The following IGF1R variants were observed in gnomAD, a reference collection of about 807,000 sequenced individuals.
IGF1R encodes the protein insulin-like growth factor 1 receptor.
Under a neutral mutation model 144.6 loss-of-function variants are expected in IGF1R, and 44 were observed. The ratio of observed to expected loss-of-function variants is 0.30; its 90% CI spans 0.24 to 0.39. IGF1R has a LOEUF of 0.39. IGF1R is among the 10% of genes least tolerant of loss of function. The probability of loss-of-function intolerance (pLI) is 1.00; values close to 1 mark genes in which losing one functional copy is unlikely to be tolerated. For synonymous variants in IGF1R, 795 were observed against 722.8 expected (o/e 1.10, Z -1.60); for missense variants, 1,355 against 1,833.7 (o/e 0.74, Z 4.77).
intron 2 of IGF1R, among the ~76,000 whole-genome samples, chr15:98,726,462 T>C (rs1016027269): frequency 6.6e-6 from 1 of 152,206 alleles, no homozygotes; most frequent in South Asian, 2.1e-4. Context: ...TGTCCACATC[T>C]GCCTAGTTCT....
At chr15:98,752,859 A>G (rs759139435) in intron 2 of IGF1R, among the ~76,000 whole-genome samples, 3 of 152,144 alleles carry the variant, frequency 2.0e-5, no homozygotes, top group Admixed American at 6.5e-5. Flanking sequence ...ATATTGCAGA[A>G]GGAAAACCTA....
intron 2 of IGF1R, among the ~76,000 whole-genome samples, chr15:98,769,797 A>G (rs2055538406): frequency 6.6e-6 from 1 of 152,212 alleles, no homozygotes; most frequent in Non-Finnish European, 1.5e-5. Context: ...TCTTATCAGT[A>G]GCACTGCTTT....
rs1013396489 is a variant in IGF1R, at chr15:98,929,581, C to T, written c.2806C>T (p.Leu936=). Residue 936 remains leucine, a synonymous_variant, in exon 14 of 21, where the codon CTG becomes TTG. Transcript: ENST00000650285. Reference sequence around the variant, plus strand: ...AGCAGGATATGAAAACTTCATCCATCTGATCATCGCTCTGCCCGTCGCTGT... The same window carrying T: ...AGCAGGATATGAAAACTTCATCCATTTGATCATCGCTCTGCCCGTCGCTGT... ...AKTGYENFIH[L]IIALPVAVLL... is the part of the protein sequence containing the mutation. 2 of 1,614,090 alleles carry T rather than the reference C, an allele frequency of 1.2e-6. No individual in the cohort carries two copies. Among genetic ancestry groups the T allele is most frequent in the Admixed American group, 1.7e-5 (1 of 60,030 alleles).
At chr15:98,738,699 A>G (rs2054668422) in intron 2 of IGF1R, among the ~76,000 whole-genome samples, 1 of 152,188 alleles carries the variant, frequency 6.6e-6, no homozygotes, top group Non-Finnish European at 1.5e-5. Context: ...AAAAGACCAA[A>G]ATAACTGGAA....
At chr15:98,874,833 C>G (rs2012972419) in intron 2 of IGF1R, among the ~76,000 whole-genome samples, 2 of 152,230 alleles carry the variant, frequency 1.3e-5, no homozygotes, top group African/African-American at 4.8e-5. Context: ...CTTTTCCCCT[C>G]CCTTCCCAGG....
intron 2 of IGF1R, among the ~76,000 whole-genome samples, chr15:98,762,812 C>A (rs1191663342): frequency 4.0e-5 from 6 of 150,878 alleles, no homozygotes. Flanking sequence ...CTTTAGGAGG[C>A]CGAGGCGGGC....
At chr15:98,868,447 C>T (rs983770016) in intron 2 of IGF1R, among the ~76,000 whole-genome samples, 21 of 147,924 alleles carry the variant, frequency 1.4e-4, no homozygotes, top group African/African-American at 5.2e-4. Flanking sequence ...TCCTGGCAAT[C>T]AGTATGTGAG....
intron 2 of IGF1R, among the ~76,000 whole-genome samples, chr15:98,729,459 C>T (rs2054445381): frequency 6.6e-6 from 1 of 151,664 alleles, no homozygotes; most frequent in Non-Finnish European, 1.5e-5. Flanking sequence ...GCTTTTATTT[C>T]TTCTATTCTT....
At chr15:98,777,620 G>A (rs1269330152) in intron 2 of IGF1R, among the ~76,000 whole-genome samples, 2 of 152,208 alleles carry the variant, frequency 1.3e-5, no homozygotes, top group Non-Finnish European at 2.9e-5. Flanking sequence ...GACCCCTGTG[G>A]GGGCTGTCCA....
chr15:98,677,550 C>T (rs1372543186), intron 1 of IGF1R, among the ~76,000 whole-genome samples: 1 of 152,164 alleles, frequency 6.6e-6, no homozygotes, highest in Non-Finnish European at 1.5e-5. Context: ...TTCTCAAGTT[C>T]AGGCAGTCTG....
intron 1 of IGF1R, among the ~76,000 whole-genome samples, chr15:98,669,883 T>A (rs997565279): frequency 6.6e-6 from 1 of 152,160 alleles, no homozygotes; most frequent in Non-Finnish European, 1.5e-5. Context: ...AGTGCACTGA[T>A]AAGAGCATGG....
At position 98,704,484 on chromosome 15, in the gene IGF1R, A is replaced by G. The variant is rs936031424; in HGVS notation, c.95-3078A>G. Among the ~76,000 whole-genome samples, 1 of 152,106 alleles carries G rather than the reference A, an allele frequency of 6.6e-6. No homozygotes were observed. The highest frequency in any genetic ancestry group is 6.5e-5 in the Admixed American group (1 of 15,268). Reference sequence around the variant, plus strand: ...TCAGATGGTGTTGGGACAGGGACGGACCGTGAGGAGGCTGGATCATGGGGA... The same window carrying G: ...TCAGATGGTGTTGGGACAGGGACGGGCCGTGAGGAGGCTGGATCATGGGGA... On this transcript the variant is annotated intron_variant, in intron 1 of 20. Coordinates refer to ENST00000650285, the MANE Select transcript of IGF1R (RefSeq NM_000875.5). The surrounding 1 kb of genome is among the most constrained non-coding windows in gnomAD (Gnocchi z 4.9).
At chr15:98,936,810 T>C (rs1013925500) in intron 17 of IGF1R, among the ~76,000 whole-genome samples, 3 of 152,148 alleles carry the variant, frequency 2.0e-5, no homozygotes, top group African/African-American at 7.2e-5. Context: ...TGCCAAGCAT[T>C]GGTCCCCAGC....
At chr15:98,890,235 G>T (rs1172398424) in intron 2 of IGF1R, 2 of 152,210 alleles carry the variant, frequency 1.3e-5, no homozygotes, top group African/African-American at 4.8e-5. Flanking sequence ...TTCCCAGACA[G>T]TTAAGACATT....
In IGF1R at chr15:98,888,438, AGT is replaced by A. The variant is rs1191582086; in HGVS notation, c.641-2860_641-2859del. Among the ~76,000 whole-genome samples, 588 of 143,448 alleles carry A rather than the reference AGT, an allele frequency of 4.1e-3. 7 individuals carry two copies. Among genetic ancestry groups the A allele is most frequent in the African/African-American group, 0.013 (500 of 38,772 alleles). 94.1% of individuals were successfully genotyped at this position (143,448 alleles called of 152,430 possible). On this transcript the variant is annotated intron_variant, in intron 2 of 20. Coordinates refer to ENST00000650285, the MANE Select transcript of IGF1R (RefSeq NM_000875.5). ...TGGGGGTTTGATGAGAGAGAGAGAGAGTGTGTGTGTGTGTGTGTGTGTGTGTG... is the reference window on the plus strand; with the variant it reads ...TGGGGGTTTGATGAGAGAGAGAGAGAGTGTGTGTGTGTGTGTGTGTGTGTG...
chr15:98,653,118 A>T (rs1359587982), intron 1 of IGF1R, among the ~76,000 whole-genome samples: 1 of 152,110 alleles, frequency 6.6e-6, no homozygotes, highest in African/African-American at 2.4e-5. Context: ...AGCAACAGGG[A>T]TTCAATCCCG....
intron 2 of IGF1R, among the ~76,000 whole-genome samples, chr15:98,752,341 G>A (rs4966024): frequency 0.59 from 90,149 of 151,958 alleles, 27,062 homozygotes; most frequent in Non-Finnish European, 0.64. Context: ...CTGGGGAGTC[G>A]TTTTCATCAA....
intron 2 of IGF1R, among the ~76,000 whole-genome samples, chr15:98,727,796 C>T (rs935212246): frequency 1.3e-5 from 2 of 152,116 alleles, no homozygotes; most frequent in East Asian, 1.9e-4. Flanking sequence ...TGTGTGGCGG[C>T]GGCAGAAGGA....
chr15:98,889,448 G>A (rs1000205163), intron 2 of IGF1R, among the ~76,000 whole-genome samples: 2 of 152,340 alleles, frequency 1.3e-5, no homozygotes, highest in South Asian at 2.1e-4. Flanking sequence ...CTAATGAAAT[G>A]TTAAGGGTGC....
Sources: allele counts gnomAD v4.1 joint callset (sites outside exome capture counted in the v4.1 genomes callset), GRCh38; gene constraint gnomAD v4.1.1; non-coding constraint Gnocchi (gnomAD v3.1); transcripts MANE v1.5; gene names NCBI Gene and HGNC (gene_info 2026-07-23, HGNC 2026-07-21).